Variants in CACNA1S observed in about 807,000 individuals in gnomAD.
CACNA1S encodes the protein calcium voltage-gated channel subunit alpha1 S.
CACNA1S carries 126 observed loss-of-function variants against 207.4 expected under a neutral mutation model. The observed-to-expected ratio is 0.61, with a 90% CI of 0.53 to 0.70. The LOEUF (loss-of-function observed/expected upper bound fraction) is 0.70, where lower values mean the gene tolerates loss of function less well. CACNA1S is among the 30% of genes least tolerant of loss of function. The probability of loss-of-function intolerance (pLI) is 0.00; values close to 1 mark genes in which losing one functional copy is unlikely to be tolerated. For synonymous variants in CACNA1S, 960 were observed against 932.7 expected (o/e 1.03, Z -0.53); for missense variants, 2,349 against 2,422.8 (o/e 0.97, Z 0.64).
At chr1:201,064,673 T>C (rs1244200865) in intron 22 of CACNA1S, among the ~76,000 whole-genome samples, 2 of 152,150 alleles carry the variant, frequency 1.3e-5, no homozygotes, top group Non-Finnish European at 2.9e-5. Flanking sequence ...ATCAAGGGTG[T>C]TGGTGTATAC....
chr1:201,103,884 G>A (rs897834410), intron 2 of CACNA1S, among the ~76,000 whole-genome samples: 11 of 152,218 alleles, frequency 7.2e-5, no homozygotes, highest in African/African-American at 1.7e-4. Context: ...TTGAACCCCA[G>A]GAATGCGACA....
Position 201,039,866 on chromosome 1 carries a change from C to T in CACNA1S, c.5587G>A (p.Gly1863Ser). The change falls in exon 44 of 44, where the codon GGC becomes AGC. Residue 1863 changes from glycine to serine, a missense_variant. Transcript: ENST00000362061. ...SSLGSLDQHQ[G>S]SQETLIPPRL ...GGAGGAATAAGGGTCTCCTGGGAGC[C>T]CTGGTGTTGGTCGAGGCTGCCCAGG... The T allele has an allele frequency of 1.2e-6, 2 of 1,610,038 alleles. No homozygotes were observed. The highest frequency in any genetic ancestry group is 2.2e-5 in the South Asian group (2 of 91,082).
intron 5 of CACNA1S, among the ~76,000 whole-genome samples, chr1:201,091,108 G>A (rs1662211875): frequency 6.6e-6 from 1 of 151,998 alleles, no homozygotes; most frequent in African/African-American, 2.4e-5. Context: ...AGAGAAAAGG[G>A]GTCCTGAGGC....
At chr1:201,058,213 C>T (rs1660916247) in intron 28 of CACNA1S, among the ~76,000 whole-genome samples, 195 bp downstream of exon 28, 1 of 152,194 alleles carries the variant, frequency 6.6e-6, no homozygotes, top group Non-Finnish European at 1.5e-5. Flanking sequence ...CCATTGTGTC[C>T]CCCTGGTATC....
rs1388042700 is a variant in CACNA1S, at chr1:201,040,717, T to C, written c.5135-4A>G. 1.9e-6 allele frequency: 3 copies of C among 1,612,826 alleles called. No individual in the cohort carries two copies. Among genetic ancestry groups the C allele is most frequent in the Non-Finnish European group, 2.5e-6 (3 of 1,179,204 alleles). On this transcript the variant is annotated splice_region_variant and splice_polypyrimidine_tract_variant and intron_variant, in intron 41 of 43. Transcript: ENST00000362061. The stretch of plus-strand genomic sequence containing the variant: ...ACACAGGGTTTGCTGTGGGGTCCTG[T>C]ATGCAAGAAGGGGCAAGGATAAGAG...
rs1319179855 is a variant in CACNA1S, at chr1:201,066,747, C to A, written c.2657+140G>T. 2.9e-6 allele frequency: 2 copies of A among 699,830 alleles called. No homozygotes were observed. The highest frequency in any genetic ancestry group is 5.2e-6 in the Non-Finnish European group (2 of 384,050). 43.4% of individuals were successfully genotyped at this position (699,830 alleles called of 1,614,324 possible). ...TTCCAGCTGGTGACAACCCACAGGA[C>A]CCCCTGCCTCCATCGGAGGCCCCGA... is the stretch of plus-strand genomic sequence containing the variant. On this transcript the variant is annotated intron_variant, in intron 20 of 43. Coordinates refer to ENST00000362061, the MANE Select transcript of CACNA1S (RefSeq NM_000069.3). This position sits in a 1 kb window ranked among gnomAD's most constrained non-coding sequence, Gnocchi z 4.3.
At position 201,069,565 on chromosome 1, in the gene CACNA1S, G is replaced by A; in HGVS notation, c.2397C>T (p.Thr799=). The A allele has an allele frequency of 1.9e-6, 3 of 1,567,858 alleles. No individual in the cohort carries two copies. The highest frequency in any genetic ancestry group is 2.6e-6 in the Non-Finnish European group (3 of 1,155,750). Residue 799 remains threonine, a synonymous_variant, in exon 18 of 44, where the codon ACC becomes ACT. Transcript: ENST00000362061. ...AGAGCAGGATGAAGTTGGTAAACCA[G>A]GTGGCATTGACGATGCGGTGACACA... ...RVLCHRIVNA[T]WFTNFILLFI... is the part of the protein sequence containing the mutation.
chr1:201,079,322 C>T (rs553178061), intron 10 of CACNA1S, among the ~76,000 whole-genome samples: 3 of 152,062 alleles, frequency 2.0e-5, no homozygotes, highest in Non-Finnish European at 4.4e-5. Context: ...ACTACTCTCT[C>T]CAGGGGCATC....
At chr1:201,078,416 T>G (rs1661711596) in intron 10 of CACNA1S, among the ~76,000 whole-genome samples, 2 of 151,388 alleles carry the variant, frequency 1.3e-5, no homozygotes, top group South Asian at 4.2e-4. Flanking sequence ...CCCAGGCTGG[T>G]CTTGAACTCC....
In CACNA1S at chr1:201,062,047, C is replaced by T; in HGVS notation, c.2950G>A (p.Glu984Lys). 6.2e-7 allele frequency: 1 copy of T among 1,614,158 alleles called. No individual in the cohort carries two copies. Among genetic ancestry groups the T allele is most frequent in the East Asian group, 2.2e-5 (1 of 44,880 alleles). The change falls in exon 24 of 44, where the codon GAG (glutamate) becomes AAG (lysine). Residue 984 changes from glutamate (E) to lysine (K), a missense_variant. Coordinates refer to ENST00000362061, the MANE Select transcript of CACNA1S (RefSeq NM_000069.3). The part of the protein sequence containing the change: ...VYKDGDPMQI[E>K]LRHREWVHSD... ...TGTACCCACTCGCGGTGACGCAGCT[C>T]TATCTGCATGGGGTCCCCGTCCTTG...
chr1:201,045,460 C>T (rs1042716404), intron 38 of CACNA1S, among the ~76,000 whole-genome samples: 3 of 152,142 alleles, frequency 2.0e-5, no homozygotes, highest in African/African-American at 7.2e-5. Flanking sequence ...ATTAGCCTGG[C>T]ATGGTGACTC....
chr1:201,074,203 G>A (rs1270340699), intron 14 of CACNA1S, among the ~76,000 whole-genome samples: 1 of 152,248 alleles, frequency 6.6e-6, no homozygotes, highest in Non-Finnish European at 1.5e-5. Flanking sequence ...CAGTGACAGG[G>A]TTGGGAGGGG....
Position 201,039,824 on chromosome 1 carries a change from G to A in CACNA1S, c.*7C>T. 2 of 1,602,766 alleles carry A rather than the reference G, an allele frequency of 1.2e-6. No individual in the cohort carries two copies. The highest frequency in any genetic ancestry group is 1.7e-6 in the Non-Finnish European group (2 of 1,179,984). Reference sequence around the variant, plus strand: ...AGCTCTAAGCCCATGCTGATGCTGTGTGGGCATCACAGCCTTGGAGGAATA... The same window carrying A: ...AGCTCTAAGCCCATGCTGATGCTGTATGGGCATCACAGCCTTGGAGGAATA... On this transcript the variant is annotated 3_prime_UTR_variant, in exon 44 of 44. Transcript: ENST00000362061.
chr1:201,075,476 C>T lies in CACNA1S; in HGVS notation c.1948+19G>A, dbSNP rs886038222. On this transcript the variant is annotated intron_variant, in intron 13 of 43. Transcript: ENST00000362061. Reference sequence around the variant, plus strand: ...CCCCTCCCTAAGCTCTTTTCTGCACCCTGCTCCCGAGAGGATACAGTTGCC... The same window carrying T: ...CCCCTCCCTAAGCTCTTTTCTGCACTCTGCTCCCGAGAGGATACAGTTGCC... 6.2e-7 allele frequency: 1 copy of T among 1,613,284 alleles called. No homozygotes were observed. Among genetic ancestry groups the T allele is most frequent in the East Asian group, 2.2e-5 (1 of 44,852 alleles).
At chr1:201,041,700 C>G (rs938498377) in intron 40 of CACNA1S, 111 bp from the exon 41 acceptor site, 1 of 798,918 alleles carries the variant, frequency 1.3e-6, no homozygotes, top group Admixed American at 2.0e-5. Flanking sequence ...CAAGGCCAAC[C>G]TAGTGTAGCA....
intron 2 of CACNA1S, among the ~76,000 whole-genome samples, chr1:201,108,076 A>T (rs1662962572): frequency 6.6e-6 from 1 of 151,680 alleles, no homozygotes; most frequent in Admixed American, 6.6e-5. Context: ...TTGTTTCAGG[A>T]TGGAAGATGA....
At chr1:201,086,916 TA>T (rs1413764216) in intron 7 of CACNA1S, among the ~76,000 whole-genome samples, 2 of 152,238 alleles carry the variant, frequency 1.3e-5, no homozygotes, top group South Asian at 2.1e-4. Flanking sequence ...TGTTCATTAC[TA>T]AAGGAAACAC....
At chr1:201,112,088 C>G in intron 1 of CACNA1S, 100 bp downstream of exon 1, 1 of 1,209,210 alleles carries the variant, frequency 8.3e-7, no homozygotes, top group Non-Finnish European at 1.2e-6. Context: ...AAGTGCCAGG[C>G]CTCCCTGGCC....
chr1:201,081,117 C>G (rs1572053333), intron 10 of CACNA1S, among the ~76,000 whole-genome samples: 1 of 152,116 alleles, frequency 6.6e-6, no homozygotes, highest in Admixed American at 6.5e-5. Context: ...TTTCCAGGGC[C>G]CTGGCTCTAT....
Sources: gnomAD v4.1 joint callset for allele counts (sites outside exome capture counted in the v4.1 genomes callset) on GRCh38, gnomAD v4.1.1 for gene constraint, Gnocchi (gnomAD v3.1) non-coding constraint, MANE v1.5 for transcripts, NCBI Gene and HGNC (gene_info 2026-07-23, HGNC 2026-07-21) for gene names.